Variants in LARGE1 observed in about 807,000 individuals in gnomAD.
LARGE1 encodes LARGE xylosyl- and glucuronyltransferase 1.
Under a neutral mutation model 87.6 loss-of-function variants are expected in LARGE1, and 43 were observed. The ratio of observed to expected loss-of-function variants is 0.49; its 90% confidence interval spans 0.38 to 0.63. The LOEUF (loss-of-function observed/expected upper bound fraction) is 0.63, where lower values mean the gene tolerates loss of function less well. Ranked by LOEUF, LARGE1 falls within the 30% of genes least tolerant of loss-of-function variation. The pLI is 0.00. For missense variants in LARGE1, 802 were observed against 1,000.2 expected (o/e 0.80, Z 2.67); for synonymous variants, 434 against 394.6 (o/e 1.10, Z -1.18).
chr22:33,328,303 T>C (rs1937415282), intron 10 of LARGE1, among the ~76,000 whole-genome samples: 1 of 152,140 alleles, frequency 6.6e-6, no homozygotes, highest in Admixed American at 6.6e-5. Context: ...AAAATGGAGA[T>C]AACAGCAGTG....
chr22:33,641,583 C>T (rs2080434967), intron 3 of LARGE1, among the ~76,000 whole-genome samples: 1 of 152,110 alleles, frequency 6.6e-6, no homozygotes, highest in African/African-American at 2.4e-5. Flanking sequence ...ACAAACTCCT[C>T]TGAGCTAAAG....
chr22:33,334,424 A>C (rs1189119107), intron 10 of LARGE1, among the ~76,000 whole-genome samples: 5 of 46,964 alleles, frequency 1.1e-4, no homozygotes, highest in African/African-American at 6.0e-4. Context: ...AAAAAAAAAC[A>C]AAAAAAAAAA....
chr22:33,438,419 T>C (rs1490412335), intron 6 of LARGE1, among the ~76,000 whole-genome samples: 1 of 152,216 alleles, frequency 6.6e-6, no homozygotes, highest in African/African-American at 2.4e-5. Flanking sequence ...CTGTTCTCCA[T>C]CTTCCTTAGT....
chr22:33,614,814 C>A (rs911906540), intron 4 of LARGE1, among the ~76,000 whole-genome samples: 2 of 151,428 alleles, frequency 1.3e-5, no homozygotes, highest in East Asian at 3.9e-4. Context: ...TGGAGGATAG[C>A]GCTTCTCCAG....
the LARGE1 span, among the ~76,000 whole-genome samples, chr22:33,102,145 G>C: frequency 6.8e-6 from 1 of 147,972 alleles, no homozygotes; most frequent in Non-Finnish European, 1.5e-5. Context: ...TGATGTTCAC[G>C]GGCCCCAGTC....
chr22:33,507,664 T>G (rs2148417059), intron 6 of LARGE1, among the ~76,000 whole-genome samples: 1 of 152,344 alleles, frequency 6.6e-6, no homozygotes, highest in East Asian at 1.9e-4. Flanking sequence ...GTGAATGCAC[T>G]TAATGCCACT....
intron 9 of LARGE1, among the ~76,000 whole-genome samples, chr22:33,375,774 G>T (rs752194546): frequency 2.0e-5 from 3 of 151,844 alleles, no homozygotes; most frequent in Non-Finnish European, 4.4e-5. Context: ...TTGAGACATG[G>T]TTTCTCTCTG....
intron 6 of LARGE1, among the ~76,000 whole-genome samples, chr22:33,447,534 C>A (rs570515053): frequency 6.6e-6 from 1 of 152,196 alleles, no homozygotes; most frequent in Admixed American, 6.5e-5. Flanking sequence ...AACCCCAGCA[C>A]GTCCCAATGC....
intron 9 of LARGE1, among the ~76,000 whole-genome samples, chr22:33,339,315 G>A (rs963064331): frequency 6.6e-6 from 1 of 152,020 alleles, no homozygotes; most frequent in Non-Finnish European, 1.5e-5. Context: ...TGGAGCATGA[G>A]AACTCAAGTG....
intron 11 of LARGE1, among the ~76,000 whole-genome samples, chr22:33,226,794 A>G (rs13057002): frequency 0.36 from 54,945 of 151,362 alleles, 10,274 homozygotes; most frequent in Non-Finnish European, 0.41. Context: ...CAGTGGCACA[A>G]TCTCGGCTCA....
chr22:33,297,211 G>C (rs1347381106), intron 12 of LARGE1, among the ~76,000 whole-genome samples: 1 of 152,146 alleles, frequency 6.6e-6, no homozygotes, highest in Non-Finnish European at 1.5e-5. Context: ...AAATGTAAGG[G>C]GGTAGGTGGT....
At chr22:33,387,475 C>T (rs1276893406) in intron 7 of LARGE1, among the ~76,000 whole-genome samples, 2 of 105,476 alleles carry the variant, frequency 1.9e-5, no homozygotes, top group Admixed American at 1.0e-4. Flanking sequence ...AATCTTATTA[C>T]AAAAATGAAT....
chr22:33,586,749 G>A (rs899844821), intron 5 of LARGE1, among the ~76,000 whole-genome samples: 5 of 151,796 alleles, frequency 3.3e-5, no homozygotes, highest in African/African-American at 9.7e-5. Context: ...GAGCCACCGC[G>A]CCCAGCTGAG....
chr22:33,639,079 G>A (rs2080354332), intron 3 of LARGE1, among the ~76,000 whole-genome samples: 2 of 152,172 alleles, frequency 1.3e-5, no homozygotes, highest in Non-Finnish European at 2.9e-5. Flanking sequence ...TGGCTTCTGA[G>A]GCCAGGTCAT....
chr22:33,842,168 T>C (rs2063298840), intron 1 of LARGE1, among the ~76,000 whole-genome samples: 2 of 152,190 alleles, frequency 1.3e-5, no homozygotes, highest in Non-Finnish European at 2.9e-5. Flanking sequence ...GAAAAGCTTT[T>C]TGATCTATTT....
At chr22:33,382,183 A>C in intron 8 of LARGE1, 139 bp from the exon 9 acceptor site, 1 of 1,067,144 alleles carries the variant, frequency 9.4e-7, no homozygotes, top group East Asian at 2.5e-5. Flanking sequence ...TCGCACTGTG[A>C]GGCATCTCTC....
chr22:33,251,439 A>G (rs1927006536), intron 11 of LARGE1, among the ~76,000 whole-genome samples: 1 of 152,110 alleles, frequency 6.6e-6, no homozygotes, highest in Admixed American at 6.5e-5. Context: ...TCTTGGGATC[A>G]TGCCAAACAT....
At chr22:33,410,055 T>C (rs900879328) in intron 7 of LARGE1, among the ~76,000 whole-genome samples, 1 of 152,062 alleles carries the variant, frequency 6.6e-6, no homozygotes, top group African/African-American at 2.4e-5. Flanking sequence ...GACATGCCTG[T>C]CCAGTATATA....
intron 13 of LARGE1, 50 bp from the exon 14 acceptor site, chr22:33,277,305 CT>C: frequency 6.4e-7 from 1 of 1,565,256 alleles, no homozygotes; most frequent in Non-Finnish European, 8.8e-7. Context: ...AAGCCAAGCT[CT>C]CCAAATGCAG....
Sources: allele counts gnomAD v4.1 joint callset (sites outside exome capture counted in the v4.1 genomes callset), GRCh38; gene constraint gnomAD v4.1.1; transcripts MANE v1.5; gene names NCBI Gene and HGNC (gene_info 2026-07-23, HGNC 2026-07-21).